Variants in SULT4A1 observed in about 807,000 individuals in gnomAD.
The protein encoded by SULT4A1 is sulfotransferase 4A1.
SULT4A1 carries 11 observed loss-of-function variants against 35.2 expected under a neutral mutation model. The observed-to-expected ratio is 0.31, with a 90% confidence interval of 0.20 to 0.52. The LOEUF is 0.52. Ranked by LOEUF, SULT4A1 falls within the 20% of genes least tolerant of loss-of-function variation. The pLI, the probability that SULT4A1 is intolerant of heterozygous loss-of-function variation, is 0.97. For synonymous variants in SULT4A1, 152 were observed against 151.8 expected (o/e 1.00, Z -0.01); for missense variants, 271 against 383.7 (o/e 0.71, Z 2.45).
In SULT4A1 at chr22:43,839,970, G is replaced by A; in HGVS notation, c.356C>T (p.Ser119Phe). The change falls in exon 3 of 7, where the codon TCT becomes TTT. Residue 119 changes from serine to phenylalanine, a missense_variant. Transcript: ENST00000330884. ...KSHLPYRFLPSDLHNGDSKVI... is the reference protein window; with the variant it reads ...KSHLPYRFLPFDLHNGDSKVI... ...CTTGGAGTCTCCATTGTGGAGGTCAGAGGGCAGAAAGCGGTAGGGCAGGTG... is the reference window on the plus strand; with the variant it reads ...CTTGGAGTCTCCATTGTGGAGGTCAAAGGGCAGAAAGCGGTAGGGCAGGTG... 1 of 1,610,406 alleles carries A rather than the reference G, an allele frequency of 6.2e-7. No homozygotes were observed. The highest frequency in any genetic ancestry group is 8.5e-7 in the Non-Finnish European group (1 of 1,178,698).
intron 1 of SULT4A1, 90 bp from the exon 2 acceptor site, chr22:43,842,022 G>C (rs2063434662): frequency 1.3e-6 from 2 of 1,504,768 alleles, no homozygotes; most frequent in African/African-American, 1.4e-5. Flanking sequence ...CCCAAGAAGG[G>C]GCTCAAGAGC....
At chr22:43,861,143 A>G (rs1269110295) in intron 1 of SULT4A1, among the ~76,000 whole-genome samples, 1 of 152,134 alleles carries the variant, frequency 6.6e-6, no homozygotes, top group Non-Finnish European at 1.5e-5. Context: ...TCTGTTCTCC[A>G]ACCAACACCC....
chr22:43,842,221 G>A (rs540709876), intron 1 of SULT4A1, among the ~76,000 whole-genome samples: 3 of 152,320 alleles, frequency 2.0e-5, no homozygotes, highest in South Asian at 4.1e-4. Flanking sequence ...TGGCTCAGGG[G>A]CTGTAACAGG....
At chr22:43,850,175 C>T (rs2063501909) in intron 1 of SULT4A1, among the ~76,000 whole-genome samples, 2 of 152,172 alleles carry the variant, frequency 1.3e-5, no homozygotes, top group Admixed American at 1.3e-4. Context: ...TCCCACTCCC[C>T]GGAAGGAGAC....
At chr22:43,835,644 T>C (rs114388692) in intron 4 of SULT4A1, among the ~76,000 whole-genome samples, 43 of 151,956 alleles carry the variant, frequency 2.8e-4, no homozygotes, top group African/African-American at 9.9e-4. Context: ...CCATCATCGG[T>C]AGCTAAGTCC....
chr22:43,827,794 G>C (rs1340801601), intron 6 of SULT4A1, among the ~76,000 whole-genome samples: 2 of 146,786 alleles, frequency 1.4e-5, no homozygotes, highest in Non-Finnish European at 3.0e-5. Flanking sequence ...TGAACCAAAA[G>C]GGGTATTTTG....
In SULT4A1 at chr22:43,857,387, AAAAAGGAAAGAAAAAAG is replaced by A. The variant is rs2049414050; in HGVS notation, c.169+4810_169+4826del. Reference sequence around the variant, plus strand: ...TCCTGTCTCAAAAAAAAAAAAAAAAAAAAAGGAAAGAAAAAAGAGGGAAGAAAACAGAAAACAGAATA... The same window carrying A: ...TCCTGTCTCAAAAAAAAAAAAAAAAAAGGGAAGAAAACAGAAAACAGAATA... On this transcript the variant is annotated intron_variant, in intron 1 of 6. Coordinates refer to ENST00000330884, the MANE Select transcript of SULT4A1 (RefSeq NM_014351.4). Among the ~76,000 whole-genome samples the A allele has an allele frequency of 2.6e-5, 4 of 151,718 alleles. No homozygotes were observed. The South Asian group carries it at 8.3e-4, about 32-fold the overall frequency.
At chr22:43,851,166 G>A (rs770973690) in intron 1 of SULT4A1, among the ~76,000 whole-genome samples, 1 of 152,084 alleles carries the variant, frequency 6.6e-6, no homozygotes, top group Non-Finnish European at 1.5e-5. Flanking sequence ...CCTCACAACT[G>A]TGCAATTAAA....
intron 1 of SULT4A1, among the ~76,000 whole-genome samples, chr22:43,854,630 A>G (rs2049381073): frequency 6.6e-6 from 1 of 152,142 alleles, no homozygotes; most frequent in Non-Finnish European, 1.5e-5. Context: ...CCACCTGGCC[A>G]CAGAGGAACA....
At chr22:43,849,704 T>C (rs890407729) in intron 1 of SULT4A1, among the ~76,000 whole-genome samples, 1 of 152,168 alleles carries the variant, frequency 6.6e-6, no homozygotes, top group Non-Finnish European at 1.5e-5. Context: ...TTCAATTCGT[T>C]CATGCAGCCT....
chr22:43,835,877 C>T (rs1603405330), intron 4 of SULT4A1, among the ~76,000 whole-genome samples: 1 of 152,308 alleles, frequency 6.6e-6, no homozygotes, highest in East Asian at 1.9e-4. Flanking sequence ...AGCAAGTGCA[C>T]GGAGTCCCCA....
chr22:43,826,744 G>A, intron 6 of SULT4A1: 3 of 985,480 alleles, frequency 3.0e-6, no homozygotes, highest in Non-Finnish European at 3.6e-6. Context: ...GGAATTTAAA[G>A]TGAATCAAAT....
chr22:43,853,194 CA>C (rs2049362089), intron 1 of SULT4A1, among the ~76,000 whole-genome samples: 1 of 151,946 alleles, frequency 6.6e-6, no homozygotes, highest in Non-Finnish European at 1.5e-5. Flanking sequence ...CATACACCCA[CA>C]CACACTACAC....
At chr22:43,853,752 C>T (rs1223649318) in intron 1 of SULT4A1, among the ~76,000 whole-genome samples, 4 of 152,352 alleles carry the variant, frequency 2.6e-5, no homozygotes, top group Non-Finnish European at 4.4e-5. Context: ...TCTTCTGTTC[C>T]GGGTATACAA....
chr22:43,852,870 C>A (rs2049357819), intron 1 of SULT4A1, among the ~76,000 whole-genome samples: 1 of 151,684 alleles, frequency 6.6e-6, no homozygotes, highest in South Asian at 2.1e-4. Context: ...CCTTGGGTCT[C>A]ACCCACCTCA....
At chr22:43,853,782 C>T (rs2049370519) in intron 1 of SULT4A1, among the ~76,000 whole-genome samples, 1 of 152,232 alleles carries the variant, frequency 6.6e-6, no homozygotes, top group Admixed American at 6.5e-5. Context: ...TGCCAAGAGG[C>T]TACCAAGAGG....
intron 1 of SULT4A1, among the ~76,000 whole-genome samples, chr22:43,855,763 T>A (rs2049394714): frequency 6.6e-6 from 1 of 151,552 alleles, no homozygotes; most frequent in Non-Finnish European, 1.5e-5. Flanking sequence ...CTAGGGCCAC[T>A]TCCCCCTAGA....
rs1292073729 is a variant in SULT4A1, at chr22:43,833,630, C to A, written c.603+10G>T. ...GGCACCCGGAGGACAGCTGCTCCGG[C>A]AGCACTCACCCGATGCATGTCTTCA... is the stretch of plus-strand genomic sequence containing the variant. On this transcript the variant is annotated intron_variant, in intron 5 of 6. Coordinates refer to ENST00000330884, the MANE Select transcript of SULT4A1 (RefSeq NM_014351.4). The A allele has an allele frequency of 6.3e-7, 1 of 1,589,024 alleles. No homozygotes were observed. The highest frequency in any genetic ancestry group is 8.6e-7 in the Non-Finnish European group (1 of 1,167,002).
At chr22:43,833,228 C>T (rs2063337245) in intron 5 of SULT4A1, among the ~76,000 whole-genome samples, 2 of 152,134 alleles carry the variant, frequency 1.3e-5, no homozygotes. Flanking sequence ...TGCTTTCTCC[C>T]AACACCTAGA....
Sources: allele counts gnomAD v4.1 joint callset (sites outside exome capture counted in the v4.1 genomes callset), GRCh38; gene constraint gnomAD v4.1.1; transcripts MANE v1.5; gene names NCBI Gene and HGNC (gene_info 2026-07-23, HGNC 2026-07-21).